The following GTF2F2 variants were observed in gnomAD, a reference collection of about 807,000 sequenced individuals.
GTF2F2 encodes the protein ATP-dependent helicase GTF2F2.
GTF2F2 carries 23 observed loss-of-function variants against 42.2 expected under a neutral mutation model. That is an observed-to-expected ratio of 0.55 (90% CI 0.39 to 0.77). The LOEUF (loss-of-function observed/expected upper bound fraction) is 0.77, where lower values mean the gene tolerates loss of function less well. GTF2F2 is among the 30% of genes least tolerant of loss of function. The pLI is 0.00. For synonymous variants in GTF2F2, 105 were observed against 100.8 expected (o/e 1.04, Z -0.25); for missense variants, 261 against 287.2 (o/e 0.91, Z 0.66).
intron 5 of GTF2F2, among the ~76,000 whole-genome samples, chr13:45,236,924 T>G (rs898960707): frequency 6.6e-6 from 1 of 152,192 alleles, no homozygotes; most frequent in South Asian, 2.1e-4. Context: ...AAAATAATTT[T>G]TGAGACTAGT....
intron 4 of GTF2F2, among the ~76,000 whole-genome samples, chr13:45,201,983 A>G (rs1205458505): frequency 1.3e-5 from 2 of 148,418 alleles, no homozygotes; most frequent in Non-Finnish European, 2.9e-5. Flanking sequence ...AAGCACAGAC[A>G]CACAGAGGCC....
intron 5 of GTF2F2, among the ~76,000 whole-genome samples, chr13:45,231,036 C>T (rs1351481313): frequency 6.6e-6 from 1 of 151,874 alleles, no homozygotes; most frequent in African/African-American, 2.4e-5. Context: ...CATTGTATCA[C>T]AGAAGTTCAT....
rs1171723881 is a variant in GTF2F2 at position 45,212,474 on chromosome 13, TC to T, written c.386+4970del. The stretch of plus-strand genomic sequence containing the variant: ...TTCTTTCTTTCTTTCTTTCTTTCTT[TC>T]TTTCTTTCTTTCTTTCTTTCTTTCT... On this transcript the variant is annotated intron_variant, in intron 5 of 7. Coordinates refer to ENST00000340473, the MANE Select transcript of GTF2F2 (RefSeq NM_004128.3). Among the ~76,000 whole-genome samples, 66 of 94,844 alleles carry T rather than the reference TC, an allele frequency of 7.0e-4. 2 individuals are homozygous for T. The highest frequency in any genetic ancestry group is 2.8e-3 in the African/African-American group (65 of 23,100). The allele number at this position is 94,844 out of a possible 152,430, so 62.2% of individuals were successfully genotyped here. A position where few individuals can be genotyped will look rare whatever the true frequency, so the allele number is the denominator to read the frequency against.
chr13:45,279,389 A>G (rs770018584), intron 7 of GTF2F2, among the ~76,000 whole-genome samples: 1 of 152,210 alleles, frequency 6.6e-6, no homozygotes, highest in Non-Finnish European at 1.5e-5. Flanking sequence ...GTGACATTCA[A>G]ATTCACGTAG....
intron 4 of GTF2F2, among the ~76,000 whole-genome samples, chr13:45,191,259 A>G (rs1872641901): frequency 7.1e-6 from 1 of 140,238 alleles, no homozygotes; most frequent in African/African-American, 2.7e-5. Flanking sequence ...ATATATAGCC[A>G]TAATCTCACA....
chr13:45,241,630 C>G (rs1458683458), intron 5 of GTF2F2, among the ~76,000 whole-genome samples: 1 of 152,116 alleles, frequency 6.6e-6, no homozygotes, highest in Non-Finnish European at 1.5e-5. Flanking sequence ...GAGTATTTTC[C>G]TTTATTGGCT....
chr13:45,262,993 T>G (rs1198374940), intron 6 of GTF2F2, among the ~76,000 whole-genome samples: 1 of 152,202 alleles, frequency 6.6e-6, no homozygotes, highest in South Asian at 2.1e-4. Flanking sequence ...CCCAGAGCAC[T>G]AGGATTACAG....
At chr13:45,205,473 G>T (rs577065398) in intron 4 of GTF2F2, among the ~76,000 whole-genome samples, 2 of 152,154 alleles carry the variant, frequency 1.3e-5, no homozygotes, top group African/African-American at 2.4e-5. Context: ...ATTAATAAAC[G>T]TGGATATGTG....
At chr13:45,140,732 G>T (rs1013084995) in intron 2 of GTF2F2, among the ~76,000 whole-genome samples, 2 of 152,030 alleles carry the variant, frequency 1.3e-5, no homozygotes, top group Non-Finnish European at 2.9e-5. Context: ...ATTAGCTACT[G>T]TTCTGTAATG....
chr13:45,143,493 G>A lies in GTF2F2; in HGVS notation c.141-6277G>A, dbSNP rs115852829. 2.9e-3 allele frequency among the ~76,000 whole-genome samples: 440 copies of A among 152,292 alleles called. 3 individuals carry two copies. Among genetic ancestry groups the A allele is most frequent in the African/African-American group, 9.8e-3 (408 of 41,564 alleles). On this transcript the variant is annotated intron_variant, in intron 2 of 7. Transcript: ENST00000340473. ...ATAGGTTCAAATGCATGTAAAATAC[G>A]TAGTTAATAAGAGTTCTCCTGCTGT...
chr13:45,208,183 T>A (rs954666107), intron 5 of GTF2F2, among the ~76,000 whole-genome samples: 5 of 152,114 alleles, frequency 3.3e-5, no homozygotes, highest in South Asian at 2.1e-4. Flanking sequence ...TATCGTCCTA[T>A]TCTCTTGATC....
chr13:45,165,567 G>A (rs63621761), intron 4 of GTF2F2, among the ~76,000 whole-genome samples: 9 of 118,018 alleles, frequency 7.6e-5, no homozygotes, highest in East Asian at 2.1e-4. Flanking sequence ...CACTGCCCTC[G>A]CCCCCCCCCG....
At chr13:45,220,789 G>A (rs1593498790) in intron 5 of GTF2F2, 1 of 152,060 alleles carries the variant, frequency 6.6e-6, no homozygotes, top group African/African-American at 2.4e-5. Context: ...TCTGAGGGGG[G>A]TTCCTAGGTC....
intron 2 of GTF2F2, among the ~76,000 whole-genome samples, chr13:45,147,297 T>C (rs529689433): frequency 3.9e-5 from 6 of 152,372 alleles, no homozygotes; most frequent in South Asian, 4.1e-4. Flanking sequence ...TTACTTTCTA[T>C]GTGGGTGTTT....
chr13:45,185,490 T>G (rs1872376631), intron 4 of GTF2F2, among the ~76,000 whole-genome samples: 1 of 152,250 alleles, frequency 6.6e-6, no homozygotes, highest in Admixed American at 6.5e-5. Flanking sequence ...GCGGTTGTGT[T>G]TGGTTTTAGT....
intron 4 of GTF2F2, among the ~76,000 whole-genome samples, chr13:45,152,657 AGTTTTAAGATTGT>A (rs1480093332): frequency 1.3e-5 from 2 of 152,224 alleles, no homozygotes; most frequent in Non-Finnish European, 2.9e-5. Context: ...TTCTGCGTAG[AGTTTTAAGATTGT>A]ATGTGTTTGC....
At chr13:45,183,002 A>C (rs990312345) in intron 4 of GTF2F2, among the ~76,000 whole-genome samples, 1 of 152,054 alleles carries the variant, frequency 6.6e-6, no homozygotes, top group African/African-American at 2.4e-5. Flanking sequence ...AGACTAATGA[A>C]TGAGTGGAGG....
At chr13:45,236,068 GAGAA>G (rs1874963061) in intron 5 of GTF2F2, among the ~76,000 whole-genome samples, 1 of 152,172 alleles carries the variant, frequency 6.6e-6, no homozygotes, top group African/African-American at 2.4e-5. Context: ...TTGTTTTCTA[GAGAA>G]AGAATTCATT....
intron 5 of GTF2F2, among the ~76,000 whole-genome samples, chr13:45,210,061 A>C (rs1188501821): frequency 1.3e-5 from 2 of 152,132 alleles, no homozygotes; most frequent in Non-Finnish European, 2.9e-5. Context: ...GCCCCACTGT[A>C]GTCTCTTCTC....
Sources: allele counts gnomAD v4.1 joint callset (sites outside exome capture counted in the v4.1 genomes callset), GRCh38; gene constraint gnomAD v4.1.1; transcripts MANE v1.5; gene names NCBI Gene and HGNC (gene_info 2026-07-23, HGNC 2026-07-21).